Variants in NRG3 observed in about 807,000 individuals in gnomAD.
NRG3 encodes the protein pro-neuregulin-3, membrane-bound isoform.
Under a neutral mutation model 66.9 loss-of-function variants are expected in NRG3, and 31 were observed. The observed-to-expected ratio is 0.46, with a 90% CI of 0.35 to 0.63. NRG3 has a LOEUF of 0.63. Ranked by LOEUF, NRG3 falls within the 20% of genes least tolerant of loss-of-function variation. The probability of loss-of-function intolerance (pLI) is 0.00; values close to 1 mark genes in which losing one functional copy is unlikely to be tolerated. For missense variants in NRG3, 910 were observed against 878.9 expected (o/e 1.04, Z -0.45); for synonymous variants, 393 against 359.4 (o/e 1.09, Z -1.06).
chr10:82,408,045 T>G (rs2087672362), intron 2 of NRG3, among the ~76,000 whole-genome samples: 2 of 64,354 alleles, frequency 3.1e-5, no homozygotes, highest in African/African-American at 2.0e-4. Flanking sequence ...CAAGACTACA[T>G]CGAGAGAGAG....
intron 1 of NRG3, among the ~76,000 whole-genome samples, chr10:82,142,762 C>T (rs557041739): frequency 1.7e-5 from 2 of 121,210 alleles, no homozygotes; most frequent in Non-Finnish European, 3.3e-5. Flanking sequence ...CTCTCTCTCT[C>T]GCTCTTTTTT....
chr10:82,037,479 G>T (rs1248830184), intron 1 of NRG3, among the ~76,000 whole-genome samples: 1 of 152,158 alleles, frequency 6.6e-6, no homozygotes, highest in Non-Finnish European at 1.5e-5. Flanking sequence ...GCTGTATCCT[G>T]TCCCTGATCC....
At chr10:81,932,310 G>A (rs1589503579) in intron 1 of NRG3, among the ~76,000 whole-genome samples, 1 of 151,932 alleles carries the variant, frequency 6.6e-6, no homozygotes, top group Non-Finnish European at 1.5e-5. Flanking sequence ...GAGAACTCAC[G>A]TCATGAAGAC....
chr10:82,327,887 C>G (rs950920217), intron 1 of NRG3, among the ~76,000 whole-genome samples: 13 of 152,190 alleles, frequency 8.5e-5, no homozygotes, highest in African/African-American at 2.9e-4. Context: ...AGCTGCTTCT[C>G]TCTGAGTCCT....
At chr10:82,909,431 C>T (rs993655464) in intron 4 of NRG3, among the ~76,000 whole-genome samples, 20 of 152,120 alleles carry the variant, frequency 1.3e-4, no homozygotes, top group African/African-American at 4.8e-4. Flanking sequence ...GAAACTTTTA[C>T]ACCCGACCTC....
rs142843922 is a variant in NRG3, at chr10:82,333,176, G to A, written c.824-25563G>A. On this transcript the variant is annotated intron_variant, in intron 1 of 8. Coordinates refer to ENST00000372141, the MANE Select transcript of NRG3 (RefSeq NM_001010848.4). ...TATTCTATATTCGTTTAGGTGGTCC[G>A]TAACAATGGGGAAGAAAAGATGAGC... Among the ~76,000 whole-genome samples, 185 of 152,254 alleles carry A rather than the reference G, an allele frequency of 1.2e-3. 5 individuals are homozygous for A. The East Asian group carries it at 0.03, about 25-fold the overall frequency.
intron 1 of NRG3, among the ~76,000 whole-genome samples, chr10:81,938,738 G>C (rs1848136869): frequency 6.6e-6 from 1 of 151,544 alleles, no homozygotes; most frequent in South Asian, 2.1e-4. Flanking sequence ...TTCACCTGTT[G>C]GTGCCTTTTA....
At chr10:82,186,383 C>T (rs2073810711) in intron 1 of NRG3, among the ~76,000 whole-genome samples, 1 of 152,124 alleles carries the variant, frequency 6.6e-6, no homozygotes, top group South Asian at 2.1e-4. Flanking sequence ...AAGCCCCTTC[C>T]CATGGGAACT....
intron 2 of NRG3, among the ~76,000 whole-genome samples, chr10:82,719,065 A>G (rs1274456954): frequency 6.6e-6 from 1 of 152,216 alleles, no homozygotes; most frequent in African/African-American, 2.4e-5. Context: ...TTTGTGCACC[A>G]GACCAGGGCC....
At chr10:81,964,579 A>G (rs1292995357) in intron 1 of NRG3, among the ~76,000 whole-genome samples, 1 of 152,046 alleles carries the variant, frequency 6.6e-6, no homozygotes, top group Non-Finnish European at 1.5e-5. Flanking sequence ...AATTTCTGAC[A>G]TTGTTCTTTG....
intron 1 of NRG3, among the ~76,000 whole-genome samples, chr10:82,176,539 C>T (rs1202167560): frequency 1.3e-5 from 2 of 152,146 alleles, no homozygotes; most frequent in Non-Finnish European, 2.9e-5. Context: ...TGTCACAGAG[C>T]ACACTGAAGG....
chr10:81,977,952 G>A (rs556350497), intron 1 of NRG3, among the ~76,000 whole-genome samples: 2 of 152,126 alleles, frequency 1.3e-5, no homozygotes, highest in East Asian at 3.9e-4. Flanking sequence ...ATGTTTTGAT[G>A]TTTTGATACA....
chr10:82,405,454 G>GTTTT (rs779040062), intron 2 of NRG3, among the ~76,000 whole-genome samples: 29,666 of 138,844 alleles, frequency 0.21, 5,140 homozygotes, highest in African/African-American at 0.43. Flanking sequence ...GATCTCAGTA[G>GTTTT]TTTGTTTTTT....
intron 2 of NRG3, among the ~76,000 whole-genome samples, chr10:82,623,090 A>G (rs988629621): frequency 2.0e-5 from 3 of 151,838 alleles, no homozygotes; most frequent in African/African-American, 4.8e-5. Flanking sequence ...TTATTTGACT[A>G]TTTCACCCAG....
At chr10:82,777,873 C>T (rs1012483257) in intron 3 of NRG3, among the ~76,000 whole-genome samples, 5 of 152,104 alleles carry the variant, frequency 3.3e-5, no homozygotes, top group African/African-American at 7.2e-5. Context: ...GCTTGGACTC[C>T]GGGGAGTAGG....
intron 3 of NRG3, among the ~76,000 whole-genome samples, chr10:82,765,611 A>G (rs2059485331): frequency 6.6e-6 from 1 of 152,202 alleles, no homozygotes; most frequent in African/African-American, 2.4e-5. Context: ...AAGATGTTAT[A>G]AAGAAAAAAG....
chr10:82,604,553 A>G (rs2047840455), intron 2 of NRG3, among the ~76,000 whole-genome samples: 1 of 152,254 alleles, frequency 6.6e-6, no homozygotes. Context: ...ATTACCAACG[A>G]GTGCAATGTT....
intron 2 of NRG3, among the ~76,000 whole-genome samples, chr10:82,675,722 G>A (rs1211970020): frequency 6.6e-6 from 1 of 152,166 alleles, no homozygotes; most frequent in Non-Finnish European, 1.5e-5. Context: ...AGCAGCCAAG[G>A]AATAATTAAA....
chr10:81,953,039 A>T (rs1312227771), intron 1 of NRG3, among the ~76,000 whole-genome samples: 1 of 152,110 alleles, frequency 6.6e-6, no homozygotes, highest in African/African-American at 2.4e-5. Context: ...TCTGCCATCC[A>T]TAGCACTGAC....
Sources: gnomAD v4.1 joint callset for allele counts (sites outside exome capture counted in the v4.1 genomes callset) on GRCh38, gnomAD v4.1.1 for gene constraint, MANE v1.5 for transcripts, NCBI Gene and HGNC (gene_info 2026-07-23, HGNC 2026-07-21) for gene names.